Variants in THAP3 observed in about 807,000 individuals in gnomAD.
The protein encoded by THAP3 is THAP domain-containing protein 3.
THAP3 carries 12 observed loss-of-function variants against 17.7 expected under a neutral mutation model. The ratio of observed to expected loss-of-function variants is 0.68; its 90% CI spans 0.43 to 1.10. The LOEUF is 1.10. Ranked by LOEUF, THAP3 falls within the 50% of genes least tolerant of loss-of-function variation. THAP3 has a pLI of 0.00. For missense variants in THAP3, 289 were observed against 318.0 expected, an observed-to-expected ratio of 0.91 and a Z score of 0.69; for synonymous variants, 133 against 126.9, an observed-to-expected ratio of 1.05 and a Z score of -0.32.
At chr1:6,635,375 G>T (rs975356259), downstream of THAP3, 3 of 337,384 alleles carry the variant, frequency 8.9e-6, no homozygotes, top group South Asian at 1.3e-4. Context: ...CGGTCAGCAC[G>T]TGTGCTCGGG....
chr1:6,632,631 A>C (rs767642297), intron 5 of THAP3, 136 bp downstream of exon 5: 2 of 1,447,198 alleles, frequency 1.4e-6, no homozygotes, highest in Admixed American at 2.0e-5. Flanking sequence ...AGAGCTCCCC[A>C]GTCAAATTCT....
chr1:6,634,114 A>G, downstream of THAP3: 1 of 1,601,904 alleles, frequency 6.2e-7, no homozygotes, highest in Non-Finnish European at 8.5e-7. Flanking sequence ...CCTCTGGGGA[A>G]GGGGTTCCCT....
chr1:6,633,818 G>A (rs1164679951), downstream of THAP3, among the ~76,000 whole-genome samples: 4 of 152,106 alleles, frequency 2.6e-5, no homozygotes, highest in African/African-American at 7.2e-5. Context: ...GCTGAGACAG[G>A]AGGATCAGCT....
Position 6,628,581 on chromosome 1 carries a change from G to T in THAP3, c.157G>T (p.Val53Phe). ...RGNFKPKQHT[V>F]ICSEHFRPEC... The stretch of plus-strand genomic sequence containing the variant: ...CAACTTCAAGCCCAAGCAGCACACG[G>T]TCATCTGCTCCGAGCACTTCCGGCC... Residue 53 changes from valine (V) to phenylalanine (F), a missense_variant, in exon 3 of 6, where the codon GTC (valine) becomes TTC (phenylalanine). Val to Phe is a conservative substitution (Grantham distance 50, BLOSUM62 -1). Transcript: ENST00000054650. 6.2e-7 allele frequency: 1 copy of T among 1,613,870 alleles called. No homozygotes were observed. The highest frequency in any genetic ancestry group is 8.5e-7 in the Non-Finnish European group (1 of 1,180,014).
At chr1:6,631,217 A>G (rs1019634439) in intron 4 of THAP3, among the ~76,000 whole-genome samples, 6 of 147,068 alleles carry the variant, frequency 4.1e-5, no homozygotes, top group East Asian at 4.0e-4. Flanking sequence ...GGGTCTTGCT[A>G]TCTTGCCCAG....
At chr1:6,634,836 GTC>G, downstream of THAP3, 6 of 1,241,848 alleles carry the variant, frequency 4.8e-6, no homozygotes, top group Non-Finnish European at 6.3e-6. Context: ...GGTTGGGTGT[GTC>G]TGATGTCTTG....
intron 4 of THAP3, 54 bp from the exon 5 acceptor site, chr1:6,632,337 G>C: frequency 6.2e-7 from 1 of 1,600,768 alleles, no homozygotes; most frequent in South Asian, 1.1e-5. Context: ...AGCAGCTGCA[G>C]GAGGGCCCTG....
At position 6,625,245 on chromosome 1, in the gene THAP3, G is replaced by C. The variant is rs1486264213; in HGVS notation, c.27G>C (p.Gln9His). 6.5e-7 allele frequency: 1 copy of C among 1,545,800 alleles called. No homozygotes were observed. The highest frequency in any genetic ancestry group is 1.4e-5 in the African/African-American group (1 of 71,784). Residue 9 changes from glutamine (Q) to histidine (H), a missense_variant, in exon 2 of 6, where the codon CAG becomes CAC. Transcript: ENST00000054650. Reference protein sequence around the residue: MPKSCAARQCCNRYSSRRK... With the variant: MPKSCAARHCCNRYSSRRK... ...TGCCGAAGTCGTGCGCGGCCCGGCA[G>C]TGCTGCAACCGCTACAGCAGCCGCA...
chr1:6,632,995 T>C lies in THAP3; in HGVS notation c.638T>C (p.Met213Thr), dbSNP rs1461060233. 1.2e-6 allele frequency: 2 copies of C among 1,612,818 alleles called. No individual in the cohort carries two copies. Among genetic ancestry groups the C allele is most frequent in the Non-Finnish European group, 1.7e-6 (2 of 1,179,856 alleles). ...CGCTTGCAGGCCCAGAGGCTGGTGA[T>C]GCGAAGGATGTCCAGCCGCCTCCGT... ...RKRLQAQRLV[M>T]RRMSSRLRAC... Residue 213 changes from methionine (M) to threonine (T), a missense_variant, in exon 6 of 6, where the codon ATG becomes ACG. Met to Thr is a moderately conservative substitution (Grantham distance 81, BLOSUM62 -1). Transcript: ENST00000054650.
intron 2 of THAP3, among the ~76,000 whole-genome samples, chr1:6,626,768 C>T (rs1641479519): frequency 6.6e-6 from 1 of 152,198 alleles, no homozygotes; most frequent in Admixed American, 6.5e-5. Flanking sequence ...ATCACTTGAC[C>T]CTGGGAGGCA....
chr1:6,625,282 A>G lies in THAP3; in HGVS notation c.64A>G (p.Thr22Ala). The change falls in exon 2 of 6, where the codon ACC becomes GCC. Residue 22 changes from threonine (T) to alanine (A), a missense_variant. Physicochemically the swap from Thr to Ala is moderately conservative, Grantham distance 58. Coordinates refer to ENST00000054650, the MANE Select transcript of THAP3 (RefSeq NM_001195753.2). ...NRYSSRRKQL[T>A]FHRFPFSRPE... ...CTACAGCAGCCGCAGGAAGCAGCTC[A>G]CCTTCCACCGGTAAGAGGCGGGGAC... is the stretch of plus-strand genomic sequence containing the variant. 1.3e-6 allele frequency: 2 copies of G among 1,541,970 alleles called. No individual in the cohort carries two copies. Among genetic ancestry groups the G allele is most frequent in the South Asian group, 2.4e-5 (2 of 83,072 alleles).
At chr1:6,625,457 G>A (rs1286055089) in intron 2 of THAP3, among the ~76,000 whole-genome samples, 165 bp downstream of exon 2, 1 of 151,850 alleles carries the variant, frequency 6.6e-6, no homozygotes, top group Admixed American at 6.6e-5. Flanking sequence ...CGCGCCCGCC[G>A]CGGGGATGCG....
intron 1 of THAP3, 91 bp from the exon 2 acceptor site, chr1:6,625,057 GGA>G (rs1238139582): frequency 1.3e-6 from 1 of 765,366 alleles, no homozygotes; most frequent in African/African-American, 1.8e-5. Flanking sequence ...CCGACCCTGG[GGA>G]GACGCGGGTG....
rs780063366 is a variant in THAP3 at position 6,633,079 on chromosome 1, C to T, written c.*2C>T. 3 of 1,596,986 alleles carry T rather than the reference C, an allele frequency of 1.9e-6. No individual in the cohort carries two copies. The highest frequency in any genetic ancestry group is 2.6e-6 in the Non-Finnish European group (3 of 1,172,850). On this transcript the variant is annotated 3_prime_UTR_variant, in exon 6 of 6. Transcript: ENST00000054650. ...CTTGGGCCAGAGCAGCAGAGCTGAG[C>T]CCCACAGGCTCCGGACGCAGAGGTG...
chr1:6,628,580 G>A lies in THAP3; in HGVS notation c.156G>A (p.Thr52=), dbSNP rs192360348. ...GRGNFKPKQH[T]VICSEHFRPE... ...GCAACTTCAAGCCCAAGCAGCACAC[G>A]GTCATCTGCTCCGAGCACTTCCGGC... Residue 52 remains threonine, a synonymous_variant, in exon 3 of 6, where the codon ACG becomes ACA. Transcript: ENST00000054650. 4.1e-5 allele frequency: 66 copies of A among 1,613,836 alleles called. No homozygotes were observed. The Middle Eastern group carries it at 5.0e-4, about 12-fold the overall frequency.
rs779769784 is a variant in THAP3, at chr1:6,632,970, C to T, written c.613C>T (p.Arg205Cys). 115 of 1,612,834 alleles carry T rather than the reference C, an allele frequency of 7.1e-5. No individual in the cohort carries two copies. The highest frequency in any genetic ancestry group is 1.6e-4 in the East Asian group (7 of 44,904). ...TLKENEKLRK[R>C]LQAQRLVMRR... ...GAAGGAAAATGAAAAGCTCCGGAAG[C>T]GCTTGCAGGCCCAGAGGCTGGTGAT... Residue 205 changes from arginine (R) to cysteine (C), a missense_variant, in exon 6 of 6, where the codon CGC becomes TGC. Physicochemically the swap from Arg to Cys is radical, Grantham distance 180 (BLOSUM62 -3). Transcript: ENST00000054650.
At chr1:6,625,032 C>G (rs1641420593) in intron 1 of THAP3, 78 bp downstream of exon 1, 4 of 602,938 alleles carry the variant, frequency 6.6e-6, no homozygotes, top group Non-Finnish European at 1.1e-5. Context: ...CTTTACGTGG[C>G]GCCCCGGGTC....
chr1:6,634,151 A>G, downstream of THAP3: 4 of 1,427,302 alleles, frequency 2.8e-6, no homozygotes, highest in Non-Finnish European at 3.9e-6. Flanking sequence ...CACACAATAC[A>G]CGGAAGAGCG....
Position 6,633,161 on chromosome 1 carries a change from G to A in THAP3, c.*84G>A. The A allele has an allele frequency of 6.7e-7, 1 of 1,495,006 alleles. No homozygotes were observed. Among genetic ancestry groups the A allele is most frequent in the Admixed American group, 2.4e-5 (1 of 41,254 alleles). The allele number at this position is 1,495,006 out of a possible 1,614,324, so 92.6% of individuals were successfully genotyped here. On this transcript the variant is annotated 3_prime_UTR_variant, in exon 6 of 6. Coordinates refer to ENST00000054650, the MANE Select transcript of THAP3 (RefSeq NM_001195753.2). ...GCTCTGGCTGTGGACATTTTTGTCT[G>A]CTGTGGACACTGAGAAAGTTGGCCA...
Sources: gnomAD v4.1 joint callset for allele counts (sites outside exome capture counted in the v4.1 genomes callset) on GRCh38, gnomAD v4.1.1 for gene constraint, MANE v1.5 for transcripts, NCBI Gene and HGNC (gene_info 2026-07-23, HGNC 2026-07-21) for gene names.